Variants in PLCE1 observed in about 807,000 individuals in gnomAD.
PLCE1 encodes 1-phosphatidylinositol 4,5-bisphosphate phosphodiesterase epsilon-1.
PLCE1 carries 119 observed loss-of-function variants against 242.8 expected under a neutral mutation model. The observed-to-expected ratio is 0.49, with a 90% CI of 0.42 to 0.57. The LOEUF (loss-of-function observed/expected upper bound fraction) is 0.57, where lower values mean the gene tolerates loss of function less well. Ranked by LOEUF, PLCE1 falls within the 20% of genes least tolerant of loss-of-function variation. PLCE1 has a pLI of 0.00. For missense variants in PLCE1, 2,441 were observed against 2,788.8 expected (o/e 0.88, Z 2.81); for synonymous variants, 945 against 1,017.4 (o/e 0.93, Z 1.35).
chr10:94,024,897 C>T (rs2061430441), intron 1 of PLCE1, among the ~76,000 whole-genome samples: 1 of 151,944 alleles, frequency 6.6e-6, no homozygotes, highest in Non-Finnish European at 1.5e-5. Flanking sequence ...AGCCTTATTC[C>T]TAAAATAGGT....
chr10:94,257,048 A>T (rs574408850), intron 11 of PLCE1, among the ~76,000 whole-genome samples: 1 of 152,158 alleles, frequency 6.6e-6, no homozygotes, highest in Non-Finnish European at 1.5e-5. Flanking sequence ...CCTCTACCCT[A>T]TGTTTCCTGC....
chr10:94,326,842 G>A (rs1212463349), intron 32 of PLCE1, among the ~76,000 whole-genome samples: 1 of 152,000 alleles, frequency 6.6e-6, no homozygotes, highest in East Asian at 1.9e-4. Context: ...GAATCATTCT[G>A]TTAACTTCAC....
intron 2 of PLCE1, among the ~76,000 whole-genome samples, chr10:94,078,935 G>A (rs796357762): frequency 4.6e-5 from 7 of 152,272 alleles, no homozygotes; most frequent in African/African-American, 1.7e-4. Flanking sequence ...TGGGCTTCTG[G>A]AAGTTGAGGA....
chr10:94,212,834 T>G (rs141162862), intron 4 of PLCE1, among the ~76,000 whole-genome samples: 2 of 152,322 alleles, frequency 1.3e-5, no homozygotes, highest in East Asian at 3.9e-4. Context: ...AACAACACTT[T>G]CCAGAATATT....
At chr10:94,296,029 G>A (rs1262943548) in intron 23 of PLCE1, among the ~76,000 whole-genome samples, 1 of 152,146 alleles carries the variant, frequency 6.6e-6, no homozygotes, top group Non-Finnish European at 1.5e-5. Flanking sequence ...GTCCTAGGTG[G>A]CATCTTCTTC....
intron 4 of PLCE1, among the ~76,000 whole-genome samples, chr10:94,183,404 G>A (rs898764423): frequency 6.6e-6 from 1 of 152,076 alleles, no homozygotes; most frequent in African/African-American, 2.4e-5. Flanking sequence ...TTACATTCTA[G>A]TCATGTCTAA....
chr10:94,061,176 C>T (rs972062530), intron 2 of PLCE1, among the ~76,000 whole-genome samples: 11 of 152,120 alleles, frequency 7.2e-5, no homozygotes, highest in Admixed American at 3.3e-4. Context: ...TTTGTTTCTT[C>T]CTGATCAGAG....
Position 94,329,801 on chromosome 10 carries a change from A to AAAC in PLCE1, c.*1860_*1861insCAA, listed in dbSNP as rs1564905207. 1.5e-4 allele frequency: 22 copies of AAAC among 148,360 alleles called. No homozygotes were observed. Among genetic ancestry groups the AAAC allele is most frequent in the South Asian group, 2.1e-4 (1 of 4,730 alleles). The allele number at this position is 148,360 out of a possible 1,614,324, so 9.2% of individuals were successfully genotyped here. On this transcript the variant is annotated 3_prime_UTR_variant, in exon 33 of 33. Transcript: ENST00000371380. ...CAAAAAAAAAAAAAAAAAAAAAAAA[A>AAAC]AAAAAAAAAACACCATACAGCTTTC...
chr10:94,107,156 CTG>C (rs1290131731), intron 2 of PLCE1: 2 of 152,346 alleles, frequency 1.3e-5, no homozygotes, highest in Non-Finnish European at 2.9e-5. Context: ...CAGTATTTGG[CTG>C]TGTTGTTAAA....
rs1405705576 is a variant in PLCE1, at chr10:94,329,835, G to T, written c.*1892G>T. The T allele has an allele frequency of 2.5e-5, 3 of 122,224 alleles. No homozygotes were observed. The highest frequency in any genetic ancestry group is 6.1e-5 in the African/African-American group (2 of 32,820). 7.6% of individuals were successfully genotyped at this position (122,224 alleles called of 1,614,324 possible). A position where few individuals can be genotyped will look rare whatever the true frequency, so the allele number is the denominator to read the frequency against. On this transcript the variant is annotated 3_prime_UTR_variant, in exon 33 of 33. Coordinates refer to ENST00000371380, the MANE Select transcript of PLCE1 (RefSeq NM_016341.4). ...AACACCATACAGCTTTCATGTCATT[G>T]AAAGTTCTTACTGGGTCAAAGCCTT...
chr10:94,073,147 T>G (rs2044408132), intron 2 of PLCE1, among the ~76,000 whole-genome samples: 1 of 151,788 alleles, frequency 6.6e-6, no homozygotes, highest in Non-Finnish European at 1.5e-5. Flanking sequence ...GTGTAACTGC[T>G]CCCCCCACCA....
At chr10:94,199,728 C>T (rs574322170) in intron 4 of PLCE1, among the ~76,000 whole-genome samples, 13 of 152,276 alleles carry the variant, frequency 8.5e-5, no homozygotes, top group East Asian at 3.9e-4. Context: ...AATCATTAAG[C>T]GTGAGTCAGT....
At chr10:94,015,740 G>A (rs2061265363) in intron 1 of PLCE1, among the ~76,000 whole-genome samples, 1 of 152,278 alleles carries the variant, frequency 6.6e-6, no homozygotes, top group South Asian at 2.1e-4. Context: ...AGGGAATAGG[G>A]GGCTAGCGCA....
Position 94,183,750 on chromosome 10 carries a change from G to A in PLCE1, c.1809+12254G>A, listed in dbSNP as rs1375045736. ...GGCATCCACTTCTGGTGAGGCCTCGGAGCTTTTACTCATGGCGGGAGGTGA... is the reference window on the plus strand; with the variant it reads ...GGCATCCACTTCTGGTGAGGCCTCGAAGCTTTTACTCATGGCGGGAGGTGA... On this transcript the variant is annotated intron_variant, in intron 4 of 32. Coordinates refer to ENST00000371380, the MANE Select transcript of PLCE1 (RefSeq NM_016341.4). 3.3e-5 allele frequency among the ~76,000 whole-genome samples: 5 copies of A among 152,266 alleles called. No individual in the cohort carries two copies. The East Asian group carries it at 5.8e-4, about 18-fold the overall frequency.
At chr10:94,246,757 C>T in intron 8 of PLCE1, 136 bp downstream of exon 8, 1 of 709,038 alleles carries the variant, frequency 1.4e-6, no homozygotes, top group East Asian at 2.7e-5. Context: ...TTTTACTTAA[C>T]CTCTTGGTAC....
chr10:94,009,505 A>T (rs2061124904), intron 1 of PLCE1, among the ~76,000 whole-genome samples: 1 of 152,194 alleles, frequency 6.6e-6, no homozygotes, highest in Non-Finnish European at 1.5e-5. Flanking sequence ...AAATACAATC[A>T]TCCCTTCCCA....
At chr10:94,147,442 AAG>A (rs1015779894) in intron 3 of PLCE1, among the ~76,000 whole-genome samples, 1 of 146,342 alleles carries the variant, frequency 6.8e-6, no homozygotes, top group Non-Finnish European at 1.5e-5. Context: ...AAGAGAGAGA[AAG>A]AGAGAGAGAG....
chr10:94,237,256 C>T (rs1018558239), intron 7 of PLCE1, among the ~76,000 whole-genome samples: 1 of 152,072 alleles, frequency 6.6e-6, no homozygotes, highest in South Asian at 2.1e-4. Context: ...AAAGAGCCTT[C>T]ATCTTTAAAG....
In PLCE1 at chr10:94,234,255, C is replaced by T. The variant is rs200164874; in HGVS notation, c.2157C>T (p.Gly719=). The T allele has an allele frequency of 4.2e-4, 680 of 1,614,066 alleles. 2 individuals are homozygous for T. The African/African-American group carries it at 6.3e-3, about 15-fold the overall frequency. ...AGGAGCTCTGTGAAGTGCTTGACGG[C>T]GCCTCCGGTCTCATGAAGCTTTGCC... is the stretch of plus-strand genomic sequence containing the variant. ...FLKELCEVLD[G]ASGLMKLCPR... Residue 719 remains glycine, a synonymous_variant, in exon 6 of 33, where the codon GGC becomes GGT. Transcript: ENST00000371380.
Sources: gnomAD v4.1 joint callset for allele counts (sites outside exome capture counted in the v4.1 genomes callset) on GRCh38, gnomAD v4.1.1 for gene constraint, MANE v1.5 for transcripts, NCBI Gene and HGNC (gene_info 2026-07-23, HGNC 2026-07-21) for gene names.